The following SLC10A7 variants were observed in gnomAD, a reference collection of about 807,000 sequenced individuals.
SLC10A7 encodes solute carrier family 10 member 7, also known as sodium/bile acid cotransporter 7.
In SLC10A7, 29 loss-of-function variants were observed where a neutral mutation model predicts 43.2. The observed-to-expected ratio is 0.67, with a 90% confidence interval of 0.50 to 0.92. The LOEUF (loss-of-function observed/expected upper bound fraction) is 0.92. Ranked by LOEUF, SLC10A7 falls within the 40% of genes least tolerant of loss-of-function variation. The probability of loss-of-function intolerance (pLI) is 0.00; values close to 1 mark genes in which losing one functional copy is unlikely to be tolerated. For synonymous variants in SLC10A7, 152 were observed against 144.8 expected (o/e 1.05, Z -0.35); for missense variants, 295 against 403.2 (o/e 0.73, Z 2.30).
At chr4:146,463,524 T>G (rs1174474651) in intron 4 of SLC10A7, among the ~76,000 whole-genome samples, 1 of 152,120 alleles carries the variant, frequency 6.6e-6, no homozygotes, top group Non-Finnish European at 1.5e-5. Context: ...GAGGATTTTT[T>G]GAGGCCAGAA....
intron 7 of SLC10A7, among the ~76,000 whole-genome samples, chr4:146,300,488 A>T (rs909756222): frequency 8.5e-5 from 13 of 152,302 alleles, no homozygotes; most frequent in Middle Eastern, 3.4e-3. Flanking sequence ...GGTGGTGATT[A>T]TAGGAGGAGG....
chr4:146,508,804 A>G (rs879092173), intron 3 of SLC10A7, among the ~76,000 whole-genome samples: 2 of 152,184 alleles, frequency 1.3e-5, no homozygotes, highest in Admixed American at 1.3e-4. Context: ...AAATCAGACC[A>G]CATCACTCTC....
intron 10 of SLC10A7, among the ~76,000 whole-genome samples, chr4:146,282,675 T>C (rs1396655156): frequency 6.6e-6 from 1 of 152,208 alleles, no homozygotes; most frequent in Non-Finnish European, 1.5e-5. Context: ...ATTTCACTTT[T>C]AGTGCTAATC....
At chr4:146,518,916 C>T (rs908539371) in intron 1 of SLC10A7, among the ~76,000 whole-genome samples, 2 of 150,800 alleles carry the variant, frequency 1.3e-5, no homozygotes, top group African/African-American at 4.9e-5. Context: ...TACTGAGCCA[C>T]CTGGTTCATG....
chr4:146,370,410 G>A (rs1324740304), intron 5 of SLC10A7, among the ~76,000 whole-genome samples: 2 of 152,160 alleles, frequency 1.3e-5, no homozygotes, highest in Non-Finnish European at 2.9e-5. Context: ...TTTGTATCAA[G>A]AGATATGCTT....
intron 11 of SLC10A7, among the ~76,000 whole-genome samples, chr4:146,258,085 C>A (rs1349035561): frequency 6.6e-6 from 1 of 152,160 alleles, no homozygotes; most frequent in Admixed American, 6.5e-5. Context: ...TTGTGAATCA[C>A]CTGGTTTACT....
intron 7 of SLC10A7, among the ~76,000 whole-genome samples, chr4:146,302,392 G>T (rs1731222666): frequency 6.6e-6 from 1 of 152,128 alleles, no homozygotes; most frequent in Non-Finnish European, 1.5e-5. Flanking sequence ...TATGGTCTGG[G>T]AATGTAATGA....
intron 5 of SLC10A7, among the ~76,000 whole-genome samples, chr4:146,344,243 TA>T (rs1734461099): frequency 6.6e-6 from 1 of 152,074 alleles, no homozygotes. Context: ...GACTATGCCT[TA>T]CACCAGTAAC....
chr4:146,519,854 T>C (rs1738450715), intron 1 of SLC10A7, among the ~76,000 whole-genome samples: 1 of 152,176 alleles, frequency 6.6e-6, no homozygotes, highest in Non-Finnish European at 1.5e-5. Context: ...CCTCTTAACA[T>C]TCTATTATAA....
chr4:146,479,127 T>C (rs1734256721), intron 4 of SLC10A7, among the ~76,000 whole-genome samples: 1 of 152,184 alleles, frequency 6.6e-6, no homozygotes, highest in Non-Finnish European at 1.5e-5. Flanking sequence ...GGATAATGTA[T>C]AAAATCAAAT....
At chr4:146,313,263 C>T (rs1159869648) in intron 6 of SLC10A7, among the ~76,000 whole-genome samples, 6 of 152,182 alleles carry the variant, frequency 3.9e-5, no homozygotes, top group African/African-American at 1.4e-4. Context: ...CATCCCATGT[C>T]TCCAGCTCAC....
intron 5 of SLC10A7, among the ~76,000 whole-genome samples, chr4:146,341,889 G>A (rs551243437): frequency 6.6e-6 from 1 of 151,546 alleles, no homozygotes; most frequent in African/African-American, 2.4e-5. Context: ...AACCCTTGTC[G>A]GCCTTAAACA....
At chr4:146,349,909 C>A (rs911832689) in intron 5 of SLC10A7, among the ~76,000 whole-genome samples, 2 of 152,040 alleles carry the variant, frequency 1.3e-5, no homozygotes, top group Non-Finnish European at 2.9e-5. Context: ...GTAATGAGAT[C>A]ATTCATATCC....
chr4:146,285,723 C>T (rs1476313763), intron 9 of SLC10A7, among the ~76,000 whole-genome samples: 1 of 152,132 alleles, frequency 6.6e-6, no homozygotes, highest in Non-Finnish European at 1.5e-5. Flanking sequence ...GGAAGGAGGC[C>T]AAGGAGTTGA....
At chr4:146,419,841 A>C (rs75972973) in intron 5 of SLC10A7, among the ~76,000 whole-genome samples, 2,573 of 152,306 alleles carry the variant, frequency 0.017, 83 homozygotes, top group African/African-American at 0.059. Context: ...GTCTAAAAAA[A>C]AAAAGAAATC....
At position 146,497,939 on chromosome 4, in the gene SLC10A7, T is replaced by A. The variant is rs183600564; in HGVS notation, c.396+5910A>T. On this transcript the variant is annotated intron_variant, in intron 4 of 11. Transcript: ENST00000335472. ...GGAGGGAAAAAAAAAATCAAAAAAA[T>A]TTTTTATCACTGAATCTTGTATTTA... Among the ~76,000 whole-genome samples, 412 of 152,066 alleles carry A rather than the reference T, an allele frequency of 2.7e-3. 4 individuals are homozygous for A. Among genetic ancestry groups the A allele is most frequent in the African/African-American group, 9.7e-3 (401 of 41,498 alleles).
chr4:146,470,486 C>T (rs1342541138), intron 4 of SLC10A7, among the ~76,000 whole-genome samples: 11 of 151,810 alleles, frequency 7.2e-5, no homozygotes, highest in Non-Finnish European at 1.6e-4. Context: ...AAGAATTTTG[C>T]TATAACTACA....
intron 7 of SLC10A7, among the ~76,000 whole-genome samples, chr4:146,298,509 A>C (rs1226803422): frequency 6.6e-6 from 1 of 152,222 alleles, no homozygotes; most frequent in Non-Finnish European, 1.5e-5. Flanking sequence ...ATGATAATGT[A>C]TAGATATGCT....
intron 5 of SLC10A7, among the ~76,000 whole-genome samples, chr4:146,434,014 T>A (rs1730001698): frequency 6.6e-6 from 1 of 152,292 alleles, no homozygotes; most frequent in South Asian, 2.1e-4. Flanking sequence ...TGTGGCAGTT[T>A]TTTAAAAATA....
Sources: gnomAD v4.1 joint callset for allele counts (sites outside exome capture counted in the v4.1 genomes callset) on GRCh38, gnomAD v4.1.1 for gene constraint, MANE v1.5 for transcripts, NCBI Gene and HGNC (gene_info 2026-07-23, HGNC 2026-07-21) for gene names.